The following GRM5 variants were observed in gnomAD, a reference collection of about 807,000 sequenced individuals.
GRM5 encodes the protein glutamate metabotropic receptor 5.
Under a neutral mutation model 83.1 loss-of-function variants are expected in GRM5, and 19 were observed. The observed-to-expected ratio is 0.23, with a 90% CI of 0.16 to 0.34. GRM5 has a LOEUF of 0.34. GRM5 is among the 10% of genes least tolerant of loss of function. The pLI is 1.00. For missense variants in GRM5, 1,160 were observed against 1,588.3 expected, an observed-to-expected ratio of 0.73 and a Z score of 4.58; for synonymous variants, 675 against 633.6, an observed-to-expected ratio of 1.07 and a Z score of -0.98.
At chr11:88,868,803 G>T (rs1000041878) in intron 2 of GRM5, among the ~76,000 whole-genome samples, 1 of 151,640 alleles carries the variant, frequency 6.6e-6, no homozygotes, top group Non-Finnish European at 1.5e-5. Flanking sequence ...GCCTATGTGG[G>T]CACCTCACAA....
At chr11:88,618,977 G>T (rs77969725) in intron 4 of GRM5, among the ~76,000 whole-genome samples, 8,910 of 152,162 alleles carry the variant, frequency 0.059, 531 homozygotes, top group Admixed American at 0.15. Flanking sequence ...AGCAGGAAAG[G>T]GCTGCTTTTC....
At chr11:88,998,907 T>C (rs1157887598) in intron 2 of GRM5, among the ~76,000 whole-genome samples, 1 of 152,064 alleles carries the variant, frequency 6.6e-6, no homozygotes. Context: ...AAAATGCATA[T>C]GGAAAGGTAA....
At chr11:88,525,029 TA>T (rs1322518225) in intron 9 of GRM5, among the ~76,000 whole-genome samples, 1 of 152,140 alleles carries the variant, frequency 6.6e-6, no homozygotes, top group Admixed American at 6.5e-5. Context: ...ACCAATAAGT[TA>T]AAACCCAGAG....
At chr11:88,597,448 C>T (rs1937846153) in intron 5 of GRM5, 96 bp from the exon 6 acceptor site, 1 of 639,660 alleles carries the variant, frequency 1.6e-6, no homozygotes, top group Non-Finnish European at 2.6e-6. Context: ...TGTCTATTGT[C>T]ATATAAGTAG....
At chr11:89,022,570 TA>T (rs1424898586) in intron 2 of GRM5, among the ~76,000 whole-genome samples, 3 of 151,822 alleles carry the variant, frequency 2.0e-5, no homozygotes, top group Non-Finnish European at 4.4e-5. Flanking sequence ...GAGAATTGCT[TA>T]AACCTGGGAG....
intron 3 of GRM5, among the ~76,000 whole-genome samples, chr11:88,811,423 A>G (rs1943586748): frequency 6.6e-6 from 1 of 152,180 alleles, no homozygotes; most frequent in African/African-American, 2.4e-5. Flanking sequence ...GACCTGTTGT[A>G]GAATCCACAG....
chr11:88,851,166 TC>T (rs1944384531), intron 2 of GRM5, among the ~76,000 whole-genome samples: 1 of 152,142 alleles, frequency 6.6e-6, no homozygotes, highest in African/African-American at 2.4e-5. Context: ...CATTTCTCTT[TC>T]CCATTTCAGA....
At chr11:88,968,633 A>T (rs1426994513) in intron 2 of GRM5, among the ~76,000 whole-genome samples, 1 of 152,078 alleles carries the variant, frequency 6.6e-6, no homozygotes, top group African/African-American at 2.4e-5. Flanking sequence ...CCATAAATGT[A>T]CCACTGTACT....
intron 2 of GRM5, among the ~76,000 whole-genome samples, chr11:88,900,847 C>G (rs1358654020): frequency 6.6e-6 from 1 of 152,120 alleles, no homozygotes; most frequent in African/African-American, 2.4e-5. Context: ...TTAGCCCAGT[C>G]TTGTTTGGGA....
At chr11:88,712,666 C>T (rs1941309212) in intron 3 of GRM5, among the ~76,000 whole-genome samples, 1 of 151,924 alleles carries the variant, frequency 6.6e-6, no homozygotes, top group African/African-American at 2.4e-5. Flanking sequence ...CATAAAACCA[C>T]ACAGAAAATA....
At chr11:89,061,539 A>G (rs539857935) in intron 1 of GRM5, among the ~76,000 whole-genome samples, 2 of 152,364 alleles carry the variant, frequency 1.3e-5, no homozygotes, top group South Asian at 4.1e-4. Context: ...ATGAAACACA[A>G]CAATGTTAAT....
At chr11:88,866,115 G>T (rs1227214754) in intron 2 of GRM5, among the ~76,000 whole-genome samples, 2 of 151,346 alleles carry the variant, frequency 1.3e-5, no homozygotes, top group Admixed American at 6.6e-5. Flanking sequence ...CACATATGTT[G>T]CAGCACTATT....
chr11:89,065,854 G>C lies in GRM5; in HGVS notation c.-279C>G, dbSNP rs1326433912. 6.6e-6 allele frequency: 1 copy of C among 152,244 alleles called. No homozygotes were observed. The highest frequency in any genetic ancestry group is 2.4e-5 in the African/African-American group (1 of 41,458). The allele number at this position is 152,244 out of a possible 1,614,324, so 9.4% of individuals were successfully genotyped here. ...CTGCGCTCTCGTAGCGGCCTTGGCT[G>C]CAGCTGGAGCGCTAGTGTCGGCGAT... On this transcript the variant is annotated 5_prime_UTR_variant, in exon 1 of 10. Transcript: ENST00000305447.
chr11:88,897,366 C>A (rs888481328), intron 2 of GRM5, among the ~76,000 whole-genome samples: 2 of 151,910 alleles, frequency 1.3e-5, no homozygotes, highest in African/African-American at 4.8e-5. Flanking sequence ...CCCTCCTGGG[C>A]CCACAGCAGA....
intron 3 of GRM5, among the ~76,000 whole-genome samples, chr11:88,816,437 G>A (rs145107778): frequency 0.026 from 3,838 of 150,436 alleles, 172 homozygotes; most frequent in African/African-American, 0.089. Flanking sequence ...TACTCAGGAG[G>A]CTAAGGCAGG....
chr11:88,614,390 T>A (rs540970409), intron 4 of GRM5, among the ~76,000 whole-genome samples: 17 of 152,312 alleles, frequency 1.1e-4, no homozygotes, highest in Middle Eastern at 6.8e-3. Flanking sequence ...TGTCAAAATG[T>A]AAATCATAAT....
At chr11:88,637,258 T>G (rs1286203553) in intron 4 of GRM5, among the ~76,000 whole-genome samples, 1 of 152,010 alleles carries the variant, frequency 6.6e-6, no homozygotes, top group Admixed American at 6.6e-5. Flanking sequence ...TGAATTCATG[T>G]CCAAAACACC....
rs1423171388 is a variant in GRM5, at chr11:88,567,345, T to A, written c.2338A>T (p.Thr780Ser). 6.2e-7 allele frequency: 1 copy of A among 1,614,122 alleles called. No individual in the cohort carries two copies. The highest frequency in any genetic ancestry group is 2.2e-5 in the East Asian group (1 of 44,878). ...EAKYIAFTMY[T>S]TCIIWLAFVP... ...AAAGCTAGCCATATAATGCAGGTCG[T>A]GTACATTGTGAAGGCGATATACTTG... is the stretch of plus-strand genomic sequence containing the variant. Residue 780 changes from threonine to serine, a missense_variant, in exon 8 of 10, where the codon ACG becomes TCG. Thr to Ser is a moderately conservative substitution (Grantham distance 58). Around this residue, in one of 9 missense-constraint regions of GRM5, gnomAD observed 66 missense variants for 138.6 expected, o/e 0.48. Coordinates refer to ENST00000305447, the MANE Select transcript of GRM5 (RefSeq NM_001143831.3). The surrounding 1 kb of genome is among the most constrained non-coding windows in gnomAD (Gnocchi z 7.3).
intron 4 of GRM5, among the ~76,000 whole-genome samples, chr11:88,638,301 A>G (rs759478384): frequency 7.2e-5 from 11 of 152,042 alleles, no homozygotes; most frequent in Non-Finnish European, 1.6e-4. Context: ...AACTTGAAGT[A>G]TAATAATAAT....
Sources: gnomAD v4.1 joint callset for allele counts (sites outside exome capture counted in the v4.1 genomes callset) on GRCh38, gnomAD v4.1.1 for gene constraint, gnomAD v4.1.1 regional missense constraint, Gnocchi (gnomAD v3.1) non-coding constraint, MANE v1.5 for transcripts, NCBI Gene and HGNC (gene_info 2026-07-23, HGNC 2026-07-21) for gene names.